The following OSBPL10 variants were observed in gnomAD, a reference collection of about 807,000 sequenced individuals.
OSBPL10 encodes the protein oxysterol binding protein like 10.
Under a neutral mutation model 81.7 loss-of-function variants are expected in OSBPL10, and 49 were observed. That is an observed-to-expected ratio of 0.60 (90% CI 0.48 to 0.76). The LOEUF is 0.76. Ranked by LOEUF, OSBPL10 falls within the 30% of genes least tolerant of loss-of-function variation. OSBPL10 has a pLI of 0.00. For synonymous variants in OSBPL10, 419 were observed against 383.6 expected, an observed-to-expected ratio of 1.09 and a Z score of -1.08; for missense variants, 923 against 987.8, an observed-to-expected ratio of 0.93 and a Z score of 0.88.
At chr3:31,951,636 G>GA (rs1004568584) in intron 1 of OSBPL10, among the ~76,000 whole-genome samples, 1 of 150,736 alleles carries the variant, frequency 6.6e-6, no homozygotes, top group African/African-American at 2.4e-5. Context: ...TCAAATATTA[G>GA]AAAAAAGCTA....
In OSBPL10 at chr3:31,945,776, C is replaced by G. The variant is rs548351283; in HGVS notation, c.281+35123G>C. On this transcript the variant is annotated intron_variant, in intron 1 of 11. Coordinates refer to ENST00000396556, the MANE Select transcript of OSBPL10 (RefSeq NM_017784.5). ...TTCTGACACCCTTGTTTCTGTGACACAGCCTGAGACCTGGAGAATATTTGA... is the reference window on the plus strand; with the variant it reads ...TTCTGACACCCTTGTTTCTGTGACAGAGCCTGAGACCTGGAGAATATTTGA... Among the ~76,000 whole-genome samples, 8 of 152,302 alleles carry G rather than the reference C, an allele frequency of 5.3e-5. No homozygotes were observed. The South Asian group carries it at 1.7e-3, about 32-fold the overall frequency.
At chr3:31,953,533 A>G (rs1222245502) in intron 1 of OSBPL10, among the ~76,000 whole-genome samples, 1 of 151,716 alleles carries the variant, frequency 6.6e-6, no homozygotes, top group Non-Finnish European at 1.5e-5. Flanking sequence ...TCAGCCTCCT[A>G]AGTAACTGGG....
At chr3:32,001,762 G>T (rs982427068) in intron 2 of OSBPL10, among the ~76,000 whole-genome samples, 2 of 151,832 alleles carry the variant, frequency 1.3e-5, no homozygotes, top group Non-Finnish European at 2.9e-5. Flanking sequence ...CTAGCCAATG[G>T]CAAGTCAGTG....
intron 1 of OSBPL10, among the ~76,000 whole-genome samples, chr3:31,923,122 G>A (rs1409365209): frequency 6.6e-6 from 1 of 152,132 alleles, no homozygotes; most frequent in Non-Finnish European, 1.5e-5. Context: ...TATGTGAACT[G>A]GTTTCCCAGG....
chr3:31,990,071 G>A, intron 2 of OSBPL10: 1 of 1,613,944 alleles, frequency 6.2e-7, no homozygotes, highest in Non-Finnish European at 8.5e-7. Context: ...AATCTTGAAA[G>A]ACATAGGAGA....
intron 4 of OSBPL10, among the ~76,000 whole-genome samples, chr3:31,800,340 C>G (rs1699348371): frequency 6.6e-6 from 1 of 152,180 alleles, no homozygotes; most frequent in South Asian, 2.1e-4. Flanking sequence ...TGATCACACC[C>G]AAACAGAACT....
At chr3:31,708,530 G>C (rs1182723603) in intron 6 of OSBPL10, among the ~76,000 whole-genome samples, 7 of 152,100 alleles carry the variant, frequency 4.6e-5, no homozygotes, top group Non-Finnish European at 1.0e-4. Context: ...ATATAAAGAC[G>C]GCCAGCAATC....
chr3:31,827,599 G>A (rs1700132740), intron 4 of OSBPL10, among the ~76,000 whole-genome samples: 1 of 151,584 alleles, frequency 6.6e-6, no homozygotes. Flanking sequence ...TCAAGCCACT[G>A]CACTCCAGCC....
chr3:31,989,724 A>G, intron 2 of OSBPL10: 1 of 1,614,102 alleles, frequency 6.2e-7, no homozygotes, highest in African/African-American at 1.3e-5. Flanking sequence ...TCCATTCATC[A>G]TTACTCACAC....
chr3:31,870,270 G>T (rs1701286269), intron 3 of OSBPL10, among the ~76,000 whole-genome samples: 1 of 152,244 alleles, frequency 6.6e-6, no homozygotes, highest in African/African-American at 2.4e-5. Context: ...TGGGCCAGTG[G>T]CTGCGGAGGG....
chr3:31,840,723 T>C (rs1219932781), intron 3 of OSBPL10, among the ~76,000 whole-genome samples: 5 of 152,248 alleles, frequency 3.3e-5, no homozygotes, highest in Non-Finnish European at 2.9e-5. Context: ...TAGAAGCTCT[T>C]GATATTTGGC....
At chr3:31,890,904 T>A (rs1360829063) in intron 1 of OSBPL10, among the ~76,000 whole-genome samples, 1 of 152,136 alleles carries the variant, frequency 6.6e-6, no homozygotes, top group Admixed American at 6.5e-5. Flanking sequence ...CTTTGTACTA[T>A]AACACACCCA....
intron 6 of OSBPL10, among the ~76,000 whole-genome samples, chr3:31,709,839 T>C (rs1696195598): frequency 6.6e-6 from 1 of 152,198 alleles, no homozygotes; most frequent in Admixed American, 6.5e-5. Context: ...TGCCAAGCAC[T>C]GTGTCAGGTG....
intron 1 of OSBPL10, among the ~76,000 whole-genome samples, chr3:31,886,776 C>T (rs1354150361): frequency 6.6e-6 from 1 of 151,956 alleles, no homozygotes; most frequent in Admixed American, 6.6e-5. Context: ...CTCGTCTCTA[C>T]TAAAAATACA....
intron 3 of OSBPL10, among the ~76,000 whole-genome samples, chr3:31,832,033 T>TAC (rs1367678541): frequency 6.6e-6 from 1 of 152,238 alleles, no homozygotes; most frequent in African/African-American, 2.4e-5. Context: ...AATGGAATAC[T>TAC]ACCAAGCTGT....
At chr3:31,831,052 A>G (rs1447317794) in intron 3 of OSBPL10, among the ~76,000 whole-genome samples, 1 of 152,200 alleles carries the variant, frequency 6.6e-6, no homozygotes, top group Non-Finnish European at 1.5e-5. Flanking sequence ...TAAGAAAAAC[A>G]AACAGTACTA....
At chr3:31,885,828 CAAAAAAAA>C (rs34871532) in intron 1 of OSBPL10, among the ~76,000 whole-genome samples, 2 of 122,612 alleles carry the variant, frequency 1.6e-5, no homozygotes, top group Non-Finnish European at 3.4e-5. Flanking sequence ...ACTAAAAATA[CAAAAAAAA>C]AAAAAAAAAT....
intron 4 of OSBPL10, among the ~76,000 whole-genome samples, chr3:31,800,246 T>C (rs576597391): frequency 6.6e-6 from 1 of 152,230 alleles, no homozygotes; most frequent in African/African-American, 2.4e-5. Flanking sequence ...CCTTTCCATA[T>C]TGAGATCTCA....
At chr3:31,729,641 A>T (rs1376266502) in intron 6 of OSBPL10, among the ~76,000 whole-genome samples, 2 of 152,076 alleles carry the variant, frequency 1.3e-5, no homozygotes, top group Non-Finnish European at 2.9e-5. Context: ...GGCTGGTCTC[A>T]AACTCCTGAC....
Sources: allele counts gnomAD v4.1 joint callset (sites outside exome capture counted in the v4.1 genomes callset), GRCh38; gene constraint gnomAD v4.1.1; transcripts MANE v1.5; gene names NCBI Gene and HGNC (gene_info 2026-07-23, HGNC 2026-07-21).